ZBTB20: variants seen among roughly 807,000 people sequenced by gnomAD.
ZBTB20 encodes zinc finger and BTB domain containing 20.
ZBTB20 carries 9 observed loss-of-function variants against 56.9 expected under a neutral mutation model. The ratio of observed to expected loss-of-function variants is 0.16; its 90% CI spans 0.10 to 0.28. ZBTB20 has a LOEUF of 0.28. Ranked by LOEUF, ZBTB20 falls within the 10% of genes least tolerant of loss-of-function variation. The pLI, the probability that ZBTB20 is intolerant of heterozygous loss-of-function variation, is 1.00. For missense variants in ZBTB20, 655 were observed against 1,003.0 expected (o/e 0.65, Z 4.69); for synonymous variants, 417 against 420.7 (o/e 0.99, Z 0.11).
rs576701322 is a variant in ZBTB20, at chr3:114,337,780, C to T, written c.*1225G>A. The stretch of plus-strand genomic sequence containing the variant: ...TATTCTTTCTATCTGGAAGCAGTAT[C>T]GCTAACCTTAACAGTCTTGACTTAC... On this transcript the variant is annotated 3_prime_UTR_variant, in exon 12 of 12. Transcript: ENST00000675478. The T allele has an allele frequency of 2.4e-4, 36 of 152,104 alleles. No individual in the cohort carries two copies. Among genetic ancestry groups the T allele is most frequent in the East Asian group, 1.9e-4 (1 of 5,188 alleles). 9.4% of individuals were successfully genotyped at this position (152,104 alleles called of 1,614,324 possible). A position where few individuals can be genotyped will look rare whatever the true frequency, so the allele number is the denominator to read the frequency against.
intron 10 of ZBTB20, chr3:114,375,867 C>T (rs988230152): frequency 6.6e-6 from 1 of 152,210 alleles, no homozygotes; most frequent in Non-Finnish European, 1.5e-5. Flanking sequence ...GGATGAGACA[C>T]AGTATGTCAT....
chr3:114,646,021 G>A (rs1020571150), intron 6 of ZBTB20, among the ~76,000 whole-genome samples: 2 of 149,946 alleles, frequency 1.3e-5, no homozygotes, highest in African/African-American at 2.5e-5. Flanking sequence ...ATGATAGGGA[G>A]TACTGATAAA....
chr3:114,827,393 C>T (rs1206580923), intron 4 of ZBTB20, among the ~76,000 whole-genome samples: 1 of 151,760 alleles, frequency 6.6e-6, no homozygotes, highest in Non-Finnish European at 1.5e-5. Context: ...AAAGGTACTA[C>T]AATTCAGCTA....
chr3:114,935,079 A>G (rs1156618747), intron 3 of ZBTB20, among the ~76,000 whole-genome samples: 7 of 152,168 alleles, frequency 4.6e-5, no homozygotes, highest in African/African-American at 2.4e-5. Flanking sequence ...GAAAAAATCA[A>G]TTTGGGTCAT....
At chr3:114,450,405 G>C (rs1409010951) in intron 7 of ZBTB20, among the ~76,000 whole-genome samples, 1 of 152,142 alleles carries the variant, frequency 6.6e-6, no homozygotes, top group Non-Finnish European at 1.5e-5. Context: ...AGGAAAAAAG[G>C]CTTTTAAAAT....
At chr3:114,688,835 C>T (rs1473245823) in intron 6 of ZBTB20, among the ~76,000 whole-genome samples, 2 of 152,092 alleles carry the variant, frequency 1.3e-5, no homozygotes, top group African/African-American at 4.8e-5. Flanking sequence ...AAGCAAATTA[C>T]TTTTGACCGA....
chr3:114,492,590 C>T (rs918131587), intron 7 of ZBTB20, among the ~76,000 whole-genome samples: 3 of 152,194 alleles, frequency 2.0e-5, no homozygotes, highest in African/African-American at 4.8e-5. Context: ...TCTAGTCTGC[C>T]TCTTATGTGG....
intron 6 of ZBTB20, among the ~76,000 whole-genome samples, chr3:114,599,846 C>G (rs552222524): frequency 1.3e-5 from 2 of 152,016 alleles, no homozygotes; most frequent in East Asian, 3.9e-4. Flanking sequence ...AGATTATTAT[C>G]TAGATTAGGG....
chr3:115,078,595 A>ATGTGTGTGTGTG (rs10662256), intron 1 of ZBTB20, among the ~76,000 whole-genome samples: 54 of 130,604 alleles, frequency 4.1e-4, no homozygotes, highest in African/African-American at 1.5e-3. Flanking sequence ...CAGTAAGAAT[A>ATGTGTGTGTGTG]TGTGTGTGTG....
chr3:114,397,644 GTGTTT>G (rs2086450170), intron 7 of ZBTB20, among the ~76,000 whole-genome samples: 1 of 150,872 alleles, frequency 6.6e-6, no homozygotes, highest in Non-Finnish European at 1.5e-5. Context: ...ATCTTAAAGT[GTGTTT>G]CATACTGGAA....
chr3:114,424,588 G>A (rs1251710464), intron 7 of ZBTB20, among the ~76,000 whole-genome samples: 5 of 152,194 alleles, frequency 3.3e-5, no homozygotes, highest in African/African-American at 1.2e-4. Flanking sequence ...GTATTAACAT[G>A]GGAGCAAAGC....
chr3:114,374,218 A>T (rs1348775079), intron 10 of ZBTB20, among the ~76,000 whole-genome samples: 3 of 152,218 alleles, frequency 2.0e-5, no homozygotes, highest in Non-Finnish European at 2.9e-5. Context: ...CATTTAACAG[A>T]TGAGGGGCTT....
intron 7 of ZBTB20, among the ~76,000 whole-genome samples, chr3:114,399,303 C>A (rs915968090): frequency 6.6e-6 from 1 of 151,732 alleles, no homozygotes; most frequent in African/African-American, 2.4e-5. Flanking sequence ...GGATATAAAG[C>A]GGTATACAAA....
chr3:114,877,501 T>C (rs1219083115), intron 4 of ZBTB20, among the ~76,000 whole-genome samples: 1 of 152,232 alleles, frequency 6.6e-6, no homozygotes, highest in East Asian at 1.9e-4. Context: ...TCATTCATTT[T>C]ACAATTCATT....
chr3:114,655,517 G>T (rs1310098496), intron 6 of ZBTB20, among the ~76,000 whole-genome samples: 1 of 152,016 alleles, frequency 6.6e-6, no homozygotes, highest in Non-Finnish European at 1.5e-5. Context: ...CTCCCAAAGT[G>T]CTGGGATTAC....
At chr3:114,621,196 A>G (rs2058295231) in intron 6 of ZBTB20, among the ~76,000 whole-genome samples, 1 of 152,210 alleles carries the variant, frequency 6.6e-6, no homozygotes, top group South Asian at 2.1e-4. Flanking sequence ...TAATATGTAT[A>G]TTTGCTGAAG....
At chr3:115,075,929 AGTT>A (rs1271095553) in intron 1 of ZBTB20, among the ~76,000 whole-genome samples, 2 of 152,194 alleles carry the variant, frequency 1.3e-5, no homozygotes, top group Non-Finnish European at 2.9e-5. Flanking sequence ...AATTCAATAG[AGTT>A]GTAGGACACA....
intron 6 of ZBTB20, among the ~76,000 whole-genome samples, chr3:114,513,440 T>C (rs1237738275): frequency 6.6e-6 from 1 of 152,216 alleles, no homozygotes; most frequent in Non-Finnish European, 1.5e-5. Context: ...ATCGCTTATG[T>C]TCTTTCACAC....
At chr3:115,126,878 CGAAT>C (rs944551394) in intron 1 of ZBTB20, among the ~76,000 whole-genome samples, 3 of 151,896 alleles carry the variant, frequency 2.0e-5, no homozygotes, top group Non-Finnish European at 2.9e-5. Flanking sequence ...AAATAACAAA[CGAAT>C]GAATGAATGA....
Sources: gnomAD v4.1 joint callset for allele counts (sites outside exome capture counted in the v4.1 genomes callset) on GRCh38, gnomAD v4.1.1 for gene constraint, MANE v1.5 for transcripts, NCBI Gene and HGNC (gene_info 2026-07-23, HGNC 2026-07-21) for gene names.